Variants in FAM20C observed in about 807,000 individuals in gnomAD.
FAM20C encodes the protein extracellular serine/threonine protein kinase FAM20C.
Under a neutral mutation model 51.5 loss-of-function variants are expected in FAM20C, and 40 were observed. The observed-to-expected ratio is 0.78, with a 90% CI of 0.60 to 1.01. The LOEUF (loss-of-function observed/expected upper bound fraction) is 1.01. Among genes scored for constraint, FAM20C ranks in the 50% least tolerant of loss-of-function variants. The pLI is 0.00. For missense variants in FAM20C, 861 were observed against 844.7 expected (o/e 1.02, Z -0.24); for synonymous variants, 406 against 380.6 (o/e 1.07, Z -0.78).
rs190177275 is a variant in FAM20C, at chr7:219,808, G to A, written c.863+10832G>A. On this transcript the variant is annotated intron_variant, in intron 3 of 9. Transcript: ENST00000313766. Reference sequence around the variant, plus strand: ...GCTCGGGGAAACAAAATGGTTTTGAGGACCAGTGAGGGATCGGTTTGGAAT... The same window carrying A: ...GCTCGGGGAAACAAAATGGTTTTGAAGACCAGTGAGGGATCGGTTTGGAAT... 1.9e-4 allele frequency among the ~76,000 whole-genome samples: 29 copies of A among 152,328 alleles called. No individual in the cohort carries two copies. In the East Asian group the frequency reaches 5.4e-3, roughly 28 times the overall value.
At chr7:237,215 C>T (rs1236874931) in intron 3 of FAM20C, among the ~76,000 whole-genome samples, 5 of 152,190 alleles carry the variant, frequency 3.3e-5, no homozygotes, top group Admixed American at 2.0e-4. Flanking sequence ...AGATTGGCCT[C>T]GAGGCAGGGC....
rs145542456 is a variant in FAM20C at position 248,535 on chromosome 7, G to C, written c.1072+105G>C. ...GGCACGGGGAGCCCACATTCATCTC[G>C]CCAGGTAGCCTGGCACGGGGGCCCA... On this transcript the variant is annotated intron_variant, in intron 5 of 9. Transcript: ENST00000313766. 44,338 of 464,010 alleles carry C rather than the reference G, an allele frequency of 0.096. 831 individuals carry two copies. Among genetic ancestry groups the C allele is most frequent in the East Asian group, 0.15 (3,396 of 22,362 alleles). 28.7% of individuals were successfully genotyped at this position (464,010 alleles called of 1,614,324 possible).
chr7:217,983 G>A (rs1292254012), intron 3 of FAM20C, among the ~76,000 whole-genome samples: 4 of 152,132 alleles, frequency 2.6e-5, no homozygotes, highest in South Asian at 2.1e-4. Context: ...ACAGTGGGCC[G>A]AGGGCTGCCC....
intron 5 of FAM20C, among the ~76,000 whole-genome samples, chr7:255,499 C>T (rs919338585): frequency 1.3e-5 from 2 of 152,164 alleles, no homozygotes; most frequent in Non-Finnish European, 2.9e-5. Context: ...GGTTTGCAAA[C>T]GTTTTCTACC....
In FAM20C at chr7:246,409, T is replaced by A. The variant is rs944143152; in HGVS notation, c.864-6T>A. On this transcript the variant is annotated splice_polypyrimidine_tract_variant and splice_region_variant and intron_variant, in intron 3 of 9. Transcript: ENST00000313766. Reference sequence around the variant, plus strand: ...AACCGTTTCTGTTTCTGTCTTGTTTTCTCAGACAAACGAGGGAGCAGGAGA... The same window carrying A: ...AACCGTTTCTGTTTCTGTCTTGTTTACTCAGACAAACGAGGGAGCAGGAGA... 16 of 1,388,892 alleles carry A rather than the reference T, an allele frequency of 1.2e-5. No homozygotes were observed. Among genetic ancestry groups the A allele is most frequent in the Non-Finnish European group, 1.5e-5 (16 of 1,064,578 alleles). 86.0% of individuals were successfully genotyped at this position (1,388,892 alleles called of 1,614,324 possible).
At chr7:219,341 C>T (rs1368204395) in intron 3 of FAM20C, among the ~76,000 whole-genome samples, 1 of 151,722 alleles carries the variant, frequency 6.6e-6, no homozygotes. Flanking sequence ...GACACCCAGC[C>T]CAGGACAGCA....
At chr7:248,123 A>AC (rs1412315453) in intron 4 of FAM20C, among the ~76,000 whole-genome samples, 192 bp from the exon 5 acceptor site, 2 of 151,680 alleles carry the variant, frequency 1.3e-5, no homozygotes, top group African/African-American at 2.4e-5. Context: ...GGCCTCTCCC[A>AC]CCCCCATCAC....
chr7:248,410 G>A lies in FAM20C; in HGVS notation c.1052G>A (p.Arg351Lys). 2 of 1,537,056 alleles carry A rather than the reference G, an allele frequency of 1.3e-6. No individual in the cohort carries two copies. Among genetic ancestry groups the A allele is most frequent in the Non-Finnish European group, 1.7e-6 (2 of 1,146,792 alleles). The change falls in exon 5 of 10, where the codon AGG becomes AAG. Residue 351 changes from arginine to lysine, a missense_variant. Physicochemically the swap from Arg to Lys is conservative, Grantham distance 26. Coordinates refer to ENST00000313766, the MANE Select transcript of FAM20C (RefSeq NM_020223.4). ...GTCACACGGGACAAGAAGCTCTGGA[G>A]GACCTTCTTCATCTCTCCAGGTAGC... Reference protein sequence around the residue: ...RDVTRDKKLWRTFFISPANNI... With the variant: ...RDVTRDKKLWKTFFISPANNI...
At chr7:256,319 A>G in intron 6 of FAM20C, 1 of 568,194 alleles carries the variant, frequency 1.8e-6, no homozygotes, top group Non-Finnish European at 3.1e-6. Flanking sequence ...CCCTCTCCTC[A>G]CTCCTGCGGG....
intron 3 of FAM20C, among the ~76,000 whole-genome samples, chr7:210,896 C>G (rs1786676060): frequency 8.5e-5 from 13 of 152,174 alleles, no homozygotes; most frequent in Admixed American, 8.5e-4. Context: ...CTCGTGGGCA[C>G]TCGGTAGCTG....
chr7:222,436 G>A (rs1787267668), intron 3 of FAM20C, among the ~76,000 whole-genome samples: 3 of 152,140 alleles, frequency 2.0e-5, no homozygotes, highest in Admixed American at 2.0e-4. Context: ...GGAGTGGATT[G>A]CCCTGGCACA....
In FAM20C at chr7:256,643, G is replaced by A; in HGVS notation, c.1254-11G>A. 1 of 1,533,890 alleles carries A rather than the reference G, an allele frequency of 6.5e-7. No homozygotes were observed. Among genetic ancestry groups the A allele is most frequent in the Non-Finnish European group, 8.7e-7 (1 of 1,145,006 alleles). On this transcript the variant is annotated splice_polypyrimidine_tract_variant and intron_variant, in intron 6 of 9. Coordinates refer to ENST00000313766, the MANE Select transcript of FAM20C (RefSeq NM_020223.4). ...GGCCTGGGCCCCCCGTCTCACGCTG[G>A]CTCCCCGCAGGTGGGAGGTGGACCC...
intron 2 of FAM20C, among the ~76,000 whole-genome samples, chr7:207,410 A>G (rs1786475957): frequency 6.6e-6 from 1 of 151,966 alleles, no homozygotes; most frequent in Non-Finnish European, 1.5e-5. Flanking sequence ...TGTCTCCTTC[A>G]GGGCCCGAGT....
chr7:236,676 A>T (rs1787856231), intron 3 of FAM20C, among the ~76,000 whole-genome samples: 1 of 152,068 alleles, frequency 6.6e-6, no homozygotes, highest in African/African-American at 2.4e-5. Context: ...GGTGGAGATG[A>T]TGATAAGGAT....
At position 208,954 on chromosome 7, in the gene FAM20C, C is replaced by G; in HGVS notation, c.841C>G (p.Gln281Glu). 1.3e-6 allele frequency: 2 copies of G among 1,585,510 alleles called. No individual in the cohort carries two copies. Among genetic ancestry groups the G allele is most frequent in the South Asian group, 2.3e-5 (2 of 86,448 alleles). ...KLIMTFQNYG[Q>E]ALFKPMKQTR... ...CATCATGACCTTCCAGAATTACGGG[C>G]AAGCGCTGTTCAAACCCATGAAGTA... Residue 281 changes from glutamine (Q) to glutamate (E), a missense_variant, in exon 3 of 10, where the codon CAA becomes GAA. Around this residue, in one of 3 missense-constraint regions of FAM20C, gnomAD observed 561 missense variants for 499.8 expected, o/e 1.12. Coordinates refer to ENST00000313766, the MANE Select transcript of FAM20C (RefSeq NM_020223.4).
intron 3 of FAM20C, among the ~76,000 whole-genome samples, chr7:232,053 C>T (rs374296145): frequency 6.6e-6 from 1 of 152,210 alleles, no homozygotes; most frequent in Non-Finnish European, 1.5e-5. Flanking sequence ...TTGTGGGACA[C>T]GCTGAGCCGG....
chr7:244,392 C>A (rs1450989918), intron 3 of FAM20C, among the ~76,000 whole-genome samples: 1 of 152,208 alleles, frequency 6.6e-6, no homozygotes, highest in Non-Finnish European at 1.5e-5. Context: ...GAATTTACCA[C>A]CCCTGGAACT....
chr7:194,958 C>T (rs199937094), intron 1 of FAM20C, among the ~76,000 whole-genome samples: 3 of 152,196 alleles, frequency 2.0e-5, no homozygotes, highest in Non-Finnish European at 4.4e-5. Context: ...GCGTGGGCGG[C>T]GGGTCCTCCA....
chr7:214,304 A>G (rs1025435663), intron 3 of FAM20C, among the ~76,000 whole-genome samples: 29 of 152,164 alleles, frequency 1.9e-4, no homozygotes, highest in African/African-American at 5.8e-4. Context: ...CAGCCTGGGC[A>G]ATAAGAGTGA....
Sources: gnomAD v4.1 joint callset for allele counts (sites outside exome capture counted in the v4.1 genomes callset) on GRCh38, gnomAD v4.1.1 for gene constraint, gnomAD v4.1.1 regional missense constraint, MANE v1.5 for transcripts, NCBI Gene and HGNC (gene_info 2026-07-23, HGNC 2026-07-21) for gene names.